The following SLC25A24 variants were observed in gnomAD, a reference collection of about 807,000 sequenced individuals.
SLC25A24 encodes mitochondrial adenyl nucleotide antiporter SLC25A24.
Under a neutral mutation model 60.7 loss-of-function variants are expected in SLC25A24, and 49 were observed. The observed-to-expected ratio is 0.81, with a 90% confidence interval of 0.64 to 1.02. SLC25A24 has a LOEUF of 1.02. Among genes scored for constraint, SLC25A24 ranks in the 50% least tolerant of loss-of-function variants. The pLI, the probability that SLC25A24 is intolerant of heterozygous loss-of-function variation, is 0.00. For synonymous variants in SLC25A24, 202 were observed against 200.6 expected, an observed-to-expected ratio of 1.01 and a Z score of -0.06; for missense variants, 564 against 586.3, an observed-to-expected ratio of 0.96 and a Z score of 0.39.
At chr1:108,195,225 G>A (rs1042115011) in intron 1 of SLC25A24, among the ~76,000 whole-genome samples, 1 of 152,178 alleles carries the variant, frequency 6.6e-6, no homozygotes, top group Admixed American at 6.5e-5. Context: ...GGGCTAGGAA[G>A]ATTATAAAGG....
chr1:108,175,561 G>A (rs1056661616), intron 3 of SLC25A24, among the ~76,000 whole-genome samples: 2 of 152,052 alleles, frequency 1.3e-5, no homozygotes, highest in African/African-American at 2.4e-5. Context: ...CAGGCATTGT[G>A]GTACAATGCC....
intron 3 of SLC25A24, among the ~76,000 whole-genome samples, chr1:108,180,417 C>T (rs1647872852): frequency 6.6e-6 from 1 of 151,956 alleles, no homozygotes; most frequent in Non-Finnish European, 1.5e-5. Flanking sequence ...TGTGTAGCTA[C>T]TTTTAAATAT....
Position 108,136,684 on chromosome 1 carries a change from A to G in SLC25A24, c.1403T>C (p.Met468Thr), listed in dbSNP as rs375761402. 8.1e-6 allele frequency: 13 copies of G among 1,613,688 alleles called. No homozygotes were observed. The highest frequency in any genetic ancestry group is 1.1e-5 in the Non-Finnish European group (13 of 1,179,884). Reference sequence around the variant, plus strand: ...CTGGGTTACTCCTAAAGTTTGCTTCATATTTTCATAAACCACATAACTGAT... The same window carrying G: ...CTGGGTTACTCCTAAAGTTTGCTTCGTATTTTCATAAACCACATAACTGAT... The part of the protein sequence containing the change: ...VGISYVVYEN[M>T]KQTLGVTQK Residue 468 changes from methionine to threonine, a missense_variant, in exon 10 of 10, where the codon ATG (methionine) becomes ACG (threonine). Physicochemically the swap from Met to Thr is moderately conservative, Grantham distance 81 (BLOSUM62 -1). Transcript: ENST00000565488.
At chr1:108,171,641 C>G (rs1242813375) in intron 3 of SLC25A24, among the ~76,000 whole-genome samples, 1 of 152,128 alleles carries the variant, frequency 6.6e-6, no homozygotes, top group East Asian at 1.9e-4. Flanking sequence ...ATTATTGCAA[C>G]GTGGTGGACA....
At chr1:108,160,820 C>G (rs1037124392) in intron 4 of SLC25A24, among the ~76,000 whole-genome samples, 1 of 152,172 alleles carries the variant, frequency 6.6e-6, no homozygotes, top group East Asian at 1.9e-4. Flanking sequence ...CGTGGCGGTG[C>G]GCGCCTGCAA....
intron 2 of SLC25A24, among the ~76,000 whole-genome samples, chr1:108,184,343 T>C (rs559691986): frequency 6.6e-6 from 1 of 152,262 alleles, no homozygotes; most frequent in Admixed American, 6.5e-5. Flanking sequence ...AGAGGGTCGA[T>C]GTTGGAATGA....
intron 1 of SLC25A24, among the ~76,000 whole-genome samples, chr1:108,189,964 C>T (rs1037395819): frequency 7.3e-5 from 11 of 151,442 alleles, no homozygotes; most frequent in African/African-American, 2.7e-4. Context: ...GAAAATATGC[C>T]CTGCAGATAA....
intron 6 of SLC25A24, among the ~76,000 whole-genome samples, chr1:108,151,419 A>G (rs1679753336): frequency 6.6e-6 from 1 of 152,112 alleles, no homozygotes; most frequent in Non-Finnish European, 1.5e-5. Flanking sequence ...ACTTCACAGA[A>G]GCATTTATAC....
chr1:108,183,734 C>G (rs920655188), intron 2 of SLC25A24, among the ~76,000 whole-genome samples: 1 of 152,066 alleles, frequency 6.6e-6, no homozygotes, highest in African/African-American at 2.4e-5. Flanking sequence ...AAATTACCAA[C>G]AAAAATACAA....
chr1:108,136,604 A>G lies in SLC25A24; in HGVS notation c.*49T>C. 1.3e-6 allele frequency: 2 copies of G among 1,508,192 alleles called. No individual in the cohort carries two copies. The highest frequency in any genetic ancestry group is 2.3e-5 in the East Asian group (1 of 44,088). The allele number at this position is 1,508,192 out of a possible 1,614,324, so 93.4% of individuals were successfully genotyped here. A position where few individuals can be genotyped will look rare whatever the true frequency, so the allele number is the denominator to read the frequency against. Reference sequence around the variant, plus strand: ...CAATTCGAGGAGAAAAAGTCACTCCAGAGATTGTTGAAAGTTTCAATTATC... The same window carrying G: ...CAATTCGAGGAGAAAAAGTCACTCCGGAGATTGTTGAAAGTTTCAATTATC... On this transcript the variant is annotated 3_prime_UTR_variant, in exon 10 of 10. Coordinates refer to ENST00000565488, the MANE Select transcript of SLC25A24 (RefSeq NM_013386.5).
rs1679664458 is a variant in SLC25A24, at chr1:108,148,371, T to G, written c.838A>C (p.Thr280Pro). Residue 280 changes from threonine (T) to proline (P), a missense_variant, in exon 7 of 10, where the codon ACT (threonine) becomes CCT (proline). Thr to Pro is a conservative substitution (Grantham distance 38, BLOSUM62 -1). Coordinates refer to ENST00000565488, the MANE Select transcript of SLC25A24 (RefSeq NM_013386.5). ...GTTCCTATTTTTTGTCCTTCTTCAG[T>G]AAGTAACTTCTTGTACTGTATAAAC... is the stretch of plus-strand genomic sequence containing the variant. The part of the protein sequence containing the change: ...WAYEQYKKLL[T>P]EEGQKIGTFE... The G allele has an allele frequency of 6.2e-7, 1 of 1,604,636 alleles. No homozygotes were observed. Among genetic ancestry groups the G allele is most frequent in the African/African-American group, 1.3e-5 (1 of 74,710 alleles).
intron 1 of SLC25A24, among the ~76,000 whole-genome samples, chr1:108,193,093 G>A (rs766963172): frequency 7.1e-6 from 1 of 140,212 alleles, no homozygotes; most frequent in Non-Finnish European, 1.6e-5. Flanking sequence ...GTGACTGGCG[G>A]TGGCGGCCTG....
At chr1:108,188,618 G>A (rs57489815) in intron 1 of SLC25A24, among the ~76,000 whole-genome samples, 4,872 of 152,268 alleles carry the variant, frequency 0.032, 263 homozygotes, top group African/African-American at 0.11. Context: ...CTTGCTGCCC[G>A]ATGAACTAGA....
Position 108,157,442 on chromosome 1 carries a change from C to T in SLC25A24, c.669+20G>A. 1 of 1,604,584 alleles carries T rather than the reference C, an allele frequency of 6.2e-7. No individual in the cohort carries two copies. Among genetic ancestry groups the T allele is most frequent in the Non-Finnish European group, 8.5e-7 (1 of 1,173,496 alleles). Reference sequence around the variant, plus strand: ...TTAGAATATTTAGGGCAAACCTGGACACACGATAATAAAGCTCACCTGCAT... The same window carrying T: ...TTAGAATATTTAGGGCAAACCTGGATACACGATAATAAAGCTCACCTGCAT... On this transcript the variant is annotated intron_variant, in intron 5 of 9. Transcript: ENST00000565488.
intron 7 of SLC25A24, among the ~76,000 whole-genome samples, chr1:108,147,463 T>G (rs1329601501): frequency 6.6e-6 from 1 of 152,240 alleles, no homozygotes; most frequent in African/African-American, 2.4e-5. Flanking sequence ...CTTTTGAATT[T>G]GTTTGCTCTT....
chr1:108,157,632 A>C lies in SLC25A24; in HGVS notation c.511-12T>G. Reference sequence around the variant, plus strand: ...CCTATGTCAATTCCCTGTAAAAATGAAAAAAAGATCCCCATGCGCCTTAGT... The same window carrying C: ...CCTATGTCAATTCCCTGTAAAAATGCAAAAAAGATCCCCATGCGCCTTAGT... On this transcript the variant is annotated splice_polypyrimidine_tract_variant and intron_variant, in intron 4 of 9. Transcript: ENST00000565488. 1 of 1,606,280 alleles carries C rather than the reference A, an allele frequency of 6.2e-7. No homozygotes were observed.
intron 1 of SLC25A24, among the ~76,000 whole-genome samples, chr1:108,186,470 T>A (rs371993956): frequency 1.1e-4 from 17 of 152,106 alleles, no homozygotes; most frequent in African/African-American, 4.1e-4. Context: ...GGTAGGAGGA[T>A]CACTTGAGCC....
intron 6 of SLC25A24, among the ~76,000 whole-genome samples, chr1:108,150,590 G>T (rs544893387): frequency 6.9e-4 from 105 of 152,294 alleles, no homozygotes; most frequent in African/African-American, 2.4e-3. Context: ...GCTCAAGGAA[G>T]AGTAGAGAGG....
chr1:108,142,904 T>C (rs979089280), intron 8 of SLC25A24, among the ~76,000 whole-genome samples: 1 of 152,180 alleles, frequency 6.6e-6, no homozygotes. Context: ...ACTCTTCTTT[T>C]CATTACACAT....
Sources: allele counts gnomAD v4.1 joint callset (sites outside exome capture counted in the v4.1 genomes callset), GRCh38; gene constraint gnomAD v4.1.1; transcripts MANE v1.5; gene names NCBI Gene and HGNC (gene_info 2026-07-23, HGNC 2026-07-21).